Variants in PSD3 observed in about 807,000 individuals in gnomAD.
PSD3 encodes PH and SEC7 domain-containing protein 3.
In PSD3, 49 loss-of-function variants were observed where a neutral mutation model predicts 105.5. The observed-to-expected ratio is 0.46, with a 90% CI of 0.37 to 0.59. The LOEUF is 0.59. Among genes scored for constraint, PSD3 ranks in the 20% least tolerant of loss-of-function variants. The pLI, the probability that PSD3 is intolerant of heterozygous loss-of-function variation, is 0.00. For synonymous variants in PSD3, 557 were observed against 457.8 expected (o/e 1.22, Z -2.77); for missense variants, 1,561 against 1,263.8 (o/e 1.24, Z -3.57).
intron 9 of PSD3, among the ~76,000 whole-genome samples, chr8:18,668,368 C>T (rs1356619728): frequency 6.6e-6 from 1 of 152,204 alleles, no homozygotes; most frequent in South Asian, 2.1e-4. Context: ...GTATTTCTGA[C>T]GCTGCGATGA....
At chr8:18,831,608 G>A (rs1294245720) in intron 4 of PSD3, among the ~76,000 whole-genome samples, 2 of 152,192 alleles carry the variant, frequency 1.3e-5, no homozygotes, top group East Asian at 1.9e-4. Context: ...TATAGTCCCA[G>A]CTAGTCAGGA....
chr8:18,715,840 C>T (rs1396539188), intron 9 of PSD3, among the ~76,000 whole-genome samples: 4 of 152,212 alleles, frequency 2.6e-5, no homozygotes, highest in Non-Finnish European at 5.9e-5. Context: ...ACATCCAACG[C>T]ATATTTACTG....
intron 10 of PSD3, among the ~76,000 whole-genome samples, chr8:18,653,985 C>T (rs1205548027): frequency 2.0e-5 from 3 of 152,088 alleles, no homozygotes; most frequent in Non-Finnish European, 2.9e-5. Context: ...ACAAAATTTT[C>T]CTATGAAACC....
At chr8:18,974,207 C>A (rs890236993) in intron 1 of PSD3, among the ~76,000 whole-genome samples, 2 of 152,188 alleles carry the variant, frequency 1.3e-5, no homozygotes, top group African/African-American at 2.4e-5. Flanking sequence ...CATTATTATG[C>A]CCATGTTACA....
chr8:18,896,155 T>C (rs1819135567), intron 2 of PSD3, among the ~76,000 whole-genome samples: 1 of 152,260 alleles, frequency 6.6e-6, no homozygotes, highest in Non-Finnish European at 1.5e-5. Flanking sequence ...ATTTCATTCT[T>C]TGTTACTGCA....
intron 10 of PSD3, among the ~76,000 whole-genome samples, chr8:18,634,382 G>A (rs1001171654): frequency 6.6e-6 from 1 of 151,978 alleles, no homozygotes; most frequent in African/African-American, 2.4e-5. Context: ...GTGAAGGACA[G>A]GATTCCCCTA....
At chr8:18,751,053 C>A (rs1563223302) in intron 9 of PSD3, among the ~76,000 whole-genome samples, 1 of 152,136 alleles carries the variant, frequency 6.6e-6, no homozygotes, top group African/African-American at 2.4e-5. Context: ...CACTCCTCAG[C>A]CCTTGGGCAG....
intron 12 of PSD3, among the ~76,000 whole-genome samples, chr8:18,586,555 G>A (rs1425824626): frequency 6.6e-6 from 1 of 152,088 alleles, no homozygotes; most frequent in Non-Finnish European, 1.5e-5. Flanking sequence ...TGGGGCAGGG[G>A]GTGGTTTGTG....
chr8:18,662,840 G>A (rs978923905), intron 9 of PSD3, among the ~76,000 whole-genome samples: 3 of 151,994 alleles, frequency 2.0e-5, no homozygotes, highest in Non-Finnish European at 2.9e-5. Context: ...TCAAATCCTA[G>A]GCACAGCTTT....
chr8:18,928,788 C>T (rs1473062187), intron 2 of PSD3, among the ~76,000 whole-genome samples: 1 of 148,870 alleles, frequency 6.7e-6, no homozygotes, highest in Non-Finnish European at 1.5e-5. Flanking sequence ...TTCCTTCTTT[C>T]TCTTTCTCTC....
At chr8:18,959,123 G>A (rs537318603) in intron 1 of PSD3, among the ~76,000 whole-genome samples, 2 of 152,168 alleles carry the variant, frequency 1.3e-5, no homozygotes, top group African/African-American at 4.8e-5. Context: ...ATTTCACCAC[G>A]TTGGCCAGGC....
At chr8:18,714,791 A>G (rs1282623599) in intron 9 of PSD3, among the ~76,000 whole-genome samples, 1 of 152,236 alleles carries the variant, frequency 6.6e-6, no homozygotes, top group African/African-American at 2.4e-5. Context: ...TATATACCCA[A>G]AGGAATATAA....
intron 15 of PSD3, among the ~76,000 whole-genome samples, chr8:18,547,515 AG>A (rs909204869): frequency 2.0e-4 from 30 of 152,334 alleles, no homozygotes; most frequent in African/African-American, 7.2e-4. Context: ...TGGCAGAGGC[AG>A]GGTGCCCCAT....
At chr8:18,773,106 G>A (rs941922697) in intron 8 of PSD3, among the ~76,000 whole-genome samples, 1 of 152,126 alleles carries the variant, frequency 6.6e-6, no homozygotes, top group African/African-American at 2.4e-5. Flanking sequence ...ACAATAACGT[G>A]ATGTTTTTCC....
At chr8:18,542,859 C>A (rs191622765) in intron 15 of PSD3, among the ~76,000 whole-genome samples, 74 of 152,194 alleles carry the variant, frequency 4.9e-4, no homozygotes, top group African/African-American at 1.6e-3. Flanking sequence ...GTTTTGCTAC[C>A]TTTGGTTATG....
chr8:18,918,826 A>C (rs1399809584), intron 2 of PSD3, among the ~76,000 whole-genome samples: 1 of 152,076 alleles, frequency 6.6e-6, no homozygotes, highest in Non-Finnish European at 1.5e-5. Flanking sequence ...GAGGGAGGGC[A>C]CTGTACCTGT....
chr8:19,065,528 G>A (rs1435339211), intron 1 of PSD3, among the ~76,000 whole-genome samples: 2 of 152,184 alleles, frequency 1.3e-5, no homozygotes, highest in Non-Finnish European at 2.9e-5. Flanking sequence ...GGGTTCCCAT[G>A]ATCCCCTCCT....
At chr8:18,856,488 C>G (rs893475255) in intron 4 of PSD3, among the ~76,000 whole-genome samples, 5 of 152,192 alleles carry the variant, frequency 3.3e-5, no homozygotes, top group Non-Finnish European at 7.3e-5. Context: ...ACTATTAATA[C>G]TACGTGCTGA....
chr8:18,533,588 T>C lies in PSD3; in HGVS notation c.*2155A>G, dbSNP rs1799714601. The C allele has an allele frequency of 1.3e-5, 2 of 152,356 alleles. No individual in the cohort carries two copies. The highest frequency in any genetic ancestry group is 4.1e-4 in the South Asian group (2 of 4,830). 9.4% of individuals were successfully genotyped at this position (152,356 alleles called of 1,614,324 possible). A position where few individuals can be genotyped will look rare whatever the true frequency, so the allele number is the denominator to read the frequency against. ...AAGTAAAATACATACAGACATTCTATATACATAGATATAGACTGTGGGCAA... is the reference window on the plus strand; with the variant it reads ...AAGTAAAATACATACAGACATTCTACATACATAGATATAGACTGTGGGCAA... On this transcript the variant is annotated 3_prime_UTR_variant, in exon 16 of 16. Coordinates refer to ENST00000327040, the MANE Select transcript of PSD3 (RefSeq NM_015310.4).
Sources: gnomAD v4.1 joint callset for allele counts (sites outside exome capture counted in the v4.1 genomes callset) on GRCh38, gnomAD v4.1.1 for gene constraint, MANE v1.5 for transcripts, NCBI Gene and HGNC (gene_info 2026-07-23, HGNC 2026-07-21) for gene names.